OSBPL1A: variants seen among roughly 807,000 people sequenced by gnomAD.
OSBPL1A encodes oxysterol-binding protein-related protein 1.
OSBPL1A carries 80 observed loss-of-function variants against 137.1 expected under a neutral mutation model. The observed-to-expected ratio is 0.58, with a 90% CI of 0.49 to 0.70. The LOEUF (loss-of-function observed/expected upper bound fraction) is 0.70, where lower values mean the gene tolerates loss of function less well. Among genes scored for constraint, OSBPL1A ranks in the 30% least tolerant of loss-of-function variants. The pLI is 0.00. For missense variants in OSBPL1A, 970 were observed against 1,129.4 expected, an observed-to-expected ratio of 0.86 and a Z score of 2.02; for synonymous variants, 365 against 389.7, an observed-to-expected ratio of 0.94 and a Z score of 0.75.
At chr18:24,191,542 C>CT (rs5823415) in intron 18 of OSBPL1A, among the ~76,000 whole-genome samples, 106,468 of 152,072 alleles carry the variant, frequency 0.7, 37,485 homozygotes, top group Admixed American at 0.74. Context: ...AACATTTTAC[C>CT]TTTGTTAATA....
intron 18 of OSBPL1A, among the ~76,000 whole-genome samples, chr18:24,186,446 A>G (rs371397101): frequency 2.6e-5 from 4 of 152,346 alleles, no homozygotes; most frequent in South Asian, 2.1e-4. Context: ...ATATGTTTTT[A>G]TAAACATAGA....
intron 17 of OSBPL1A, among the ~76,000 whole-genome samples, chr18:24,198,039 C>T (rs189866372): frequency 7.5e-4 from 114 of 152,152 alleles, no homozygotes; most frequent in African/African-American, 2.7e-3. Context: ...CTACCTGCCT[C>T]GGCCTCCCAA....
intron 14 of OSBPL1A, among the ~76,000 whole-genome samples, chr18:24,286,009 T>C (rs983642123): frequency 1.3e-5 from 2 of 151,986 alleles, no homozygotes; most frequent in African/African-American, 2.4e-5. Context: ...ATACAAAAAT[T>C]AGCCGGCCAT....
intron 17 of OSBPL1A, among the ~76,000 whole-genome samples, chr18:24,198,413 G>A (rs552705067): frequency 6.6e-6 from 1 of 152,206 alleles, no homozygotes; most frequent in East Asian, 1.9e-4. Flanking sequence ...AAAACTTTCT[G>A]TGATTTTATG....
At chr18:24,209,283 C>T (rs554109163) in intron 17 of OSBPL1A, among the ~76,000 whole-genome samples, 5 of 152,204 alleles carry the variant, frequency 3.3e-5, no homozygotes, top group East Asian at 1.9e-4. Context: ...CTCCCAGACA[C>T]GTCACAAAAA....
chr18:24,335,680 A>T (rs1372478127), intron 5 of OSBPL1A, among the ~76,000 whole-genome samples: 2 of 152,342 alleles, frequency 1.3e-5, no homozygotes, highest in Admixed American at 6.5e-5. Context: ...GACTAAAGTC[A>T]AGTCATGGAC....
chr18:24,363,505 G>A (rs1383677236), intron 4 of OSBPL1A, among the ~76,000 whole-genome samples: 1 of 143,448 alleles, frequency 7.0e-6, no homozygotes, highest in Non-Finnish European at 1.5e-5. Context: ...GGAATACAGT[G>A]GCACAATCTT....
chr18:24,194,649 A>C (rs112732704), intron 18 of OSBPL1A, among the ~76,000 whole-genome samples: 9 of 152,354 alleles, frequency 5.9e-5, no homozygotes, highest in South Asian at 2.1e-4. Flanking sequence ...ATTAATGATA[A>C]TATGAACTAT....
At chr18:24,344,675 G>A (rs959545037) in intron 4 of OSBPL1A, among the ~76,000 whole-genome samples, 1 of 152,164 alleles carries the variant, frequency 6.6e-6, no homozygotes, top group African/African-American at 2.4e-5. Flanking sequence ...GCAGAGCAGA[G>A]GACCTGGATG....
intron 7 of OSBPL1A, among the ~76,000 whole-genome samples, chr18:24,319,229 G>A (rs1330069633): frequency 1.3e-5 from 2 of 151,992 alleles, no homozygotes; most frequent in Non-Finnish European, 2.9e-5. Flanking sequence ...CTTGACATGG[G>A]GTCTCTTCCT....
At position 24,183,859 on chromosome 18, in the gene OSBPL1A, C is replaced by T. The variant is rs527707840; in HGVS notation, c.1678-2580G>A. Among the ~76,000 whole-genome samples the T allele has an allele frequency of 7.2e-5, 11 of 152,296 alleles. No homozygotes were observed. The South Asian group carries it at 1.9e-3, about 26-fold the overall frequency. On this transcript the variant is annotated intron_variant, in intron 18 of 27. Transcript: ENST00000319481. ...GTAAAGTACATACATCGAGTCTTTC[C>T]AGTTCTTTCTAATCACAGGATAGTA...
intron 24 of OSBPL1A, among the ~76,000 whole-genome samples, chr18:24,169,906 G>A (rs188766899): frequency 2.0e-5 from 3 of 152,224 alleles, no homozygotes; most frequent in South Asian, 2.1e-4. Flanking sequence ...TCTTAACTTC[G>A]GTAATTTCAC....
chr18:24,267,812 T>C (rs2089618069), intron 15 of OSBPL1A, among the ~76,000 whole-genome samples: 1 of 151,756 alleles, frequency 6.6e-6, no homozygotes, highest in Admixed American at 6.6e-5. Context: ...ATACCATTCT[T>C]AACAGTGAAT....
intron 4 of OSBPL1A, among the ~76,000 whole-genome samples, chr18:24,361,864 G>A (rs2091625056): frequency 6.6e-6 from 1 of 151,970 alleles, no homozygotes; most frequent in Non-Finnish European, 1.5e-5. Flanking sequence ...CACTATGGTG[G>A]CACATGCCTG....
intron 7 of OSBPL1A, among the ~76,000 whole-genome samples, chr18:24,320,770 G>GT (rs2090833519): frequency 6.6e-6 from 1 of 152,110 alleles, no homozygotes; most frequent in South Asian, 2.1e-4. Context: ...ACGCATGCCT[G>GT]TAATCCCAGC....
At chr18:24,352,675 G>T (rs2091462806) in intron 4 of OSBPL1A, among the ~76,000 whole-genome samples, 1 of 152,126 alleles carries the variant, frequency 6.6e-6, no homozygotes, top group Non-Finnish European at 1.5e-5. Context: ...ATACTACAAG[G>T]CTACAGTAAC....
intron 15 of OSBPL1A, among the ~76,000 whole-genome samples, chr18:24,275,327 T>C (rs1340469646): frequency 6.6e-6 from 1 of 151,998 alleles, no homozygotes; most frequent in Admixed American, 6.6e-5. Context: ...TAAGAGCAGA[T>C]GCAGATAAAA....
At chr18:24,251,770 C>T (rs1467089693) in intron 15 of OSBPL1A, among the ~76,000 whole-genome samples, 1 of 152,148 alleles carries the variant, frequency 6.6e-6, no homozygotes, top group Admixed American at 6.5e-5. Flanking sequence ...GGACATGTGA[C>T]ATTTCAGAGT....
intron 16 of OSBPL1A, among the ~76,000 whole-genome samples, chr18:24,231,209 CAGT>C (rs2088266489): frequency 6.6e-6 from 1 of 152,154 alleles, no homozygotes; most frequent in Non-Finnish European, 1.5e-5. Flanking sequence ...ATTAAAACAG[CAGT>C]ATTAATAGAA....
Sources: gnomAD v4.1 joint callset for allele counts (sites outside exome capture counted in the v4.1 genomes callset) on GRCh38, gnomAD v4.1.1 for gene constraint, MANE v1.5 for transcripts, NCBI Gene and HGNC (gene_info 2026-07-23, HGNC 2026-07-21) for gene names.